Variants in FAM168A observed in about 807,000 individuals in gnomAD.
FAM168A encodes family with sequence similarity 168 member A.
In FAM168A, 3 loss-of-function variants were observed where a neutral mutation model predicts 28.5. The ratio of observed to expected loss-of-function variants is 0.11; its 90% CI spans 0.05 to 0.27. The LOEUF (loss-of-function observed/expected upper bound fraction) is 0.27, where lower values mean the gene tolerates loss of function less well. Ranked by LOEUF, FAM168A falls within the 10% of genes least tolerant of loss-of-function variation. The pLI is 1.00. For missense variants in FAM168A, 222 were observed against 311.5 expected (o/e 0.71, Z 2.16); for synonymous variants, 122 against 124.2 (o/e 0.98, Z 0.12).
At chr11:73,441,552 T>G (rs1867195300) in intron 2 of FAM168A, among the ~76,000 whole-genome samples, 1 of 152,234 alleles carries the variant, frequency 6.6e-6, no homozygotes, top group South Asian at 2.1e-4. Context: ...TAGAAAGTGT[T>G]CCTTTATCTT....
At chr11:73,499,821 A>T (rs1854970021) in intron 1 of FAM168A, among the ~76,000 whole-genome samples, 1 of 152,152 alleles carries the variant, frequency 6.6e-6, no homozygotes, top group Non-Finnish European at 1.5e-5. Flanking sequence ...AGACAAAAAT[A>T]GAGAAAAAAG....
chr11:73,422,568 T>C (rs1866812047), intron 3 of FAM168A, among the ~76,000 whole-genome samples: 1 of 152,182 alleles, frequency 6.6e-6, no homozygotes, highest in South Asian at 2.1e-4. Context: ...ATGAAGACAA[T>C]CCCAACTGAA....
At chr11:73,518,267 T>C (rs1943330818) in intron 1 of FAM168A, among the ~76,000 whole-genome samples, 1 of 152,104 alleles carries the variant, frequency 6.6e-6, no homozygotes, top group African/African-American at 2.4e-5. Flanking sequence ...GATTGTATTT[T>C]CCAAAGATGG....
intron 3 of FAM168A, among the ~76,000 whole-genome samples, chr11:73,424,314 G>C (rs1423748861): frequency 6.6e-6 from 1 of 152,196 alleles, no homozygotes; most frequent in Non-Finnish European, 1.5e-5. Context: ...AGCAGCCCAG[G>C]TGAGGGTGGT....
At chr11:73,587,737 T>C (rs1249002952) in intron 1 of FAM168A, among the ~76,000 whole-genome samples, 1 of 152,076 alleles carries the variant, frequency 6.6e-6, no homozygotes, top group Non-Finnish European at 1.5e-5. Flanking sequence ...AATGGAAAAA[T>C]GGAATGTACA....
chr11:73,428,252 T>A (rs1431204068), intron 3 of FAM168A, among the ~76,000 whole-genome samples: 2 of 152,132 alleles, frequency 1.3e-5, no homozygotes, highest in South Asian at 4.1e-4. Flanking sequence ...CTCTGACTTG[T>A]CCTCTCCACT....
At position 73,406,378 on chromosome 11, in the gene FAM168A, C is replaced by G. The variant is rs1866506467; in HGVS notation, c.*385G>C. 6.6e-6 allele frequency: 1 copy of G among 152,200 alleles called. No individual in the cohort carries two copies. The highest frequency in any genetic ancestry group is 2.4e-5 in the African/African-American group (1 of 41,434). 9.4% of individuals were successfully genotyped at this position (152,200 alleles called of 1,614,324 possible). A position where few individuals can be genotyped will look rare whatever the true frequency, so the allele number is the denominator to read the frequency against. ...ACCCTGGACCACATCTGTTTATGCT[C>G]TTCAAATGGAATCCAGCCTTCAGAT... On this transcript the variant is annotated 3_prime_UTR_variant, in exon 8 of 8. Transcript: ENST00000356467.
intron 1 of FAM168A, among the ~76,000 whole-genome samples, chr11:73,536,403 C>A (rs1264728242): frequency 6.6e-6 from 1 of 152,072 alleles, no homozygotes; most frequent in Non-Finnish European, 1.5e-5. Flanking sequence ...ATAGGCCTCC[C>A]CAGGCCAAGC....
intron 1 of FAM168A, among the ~76,000 whole-genome samples, chr11:73,475,989 G>A (rs1007985706): frequency 1.3e-5 from 2 of 152,200 alleles, no homozygotes; most frequent in Non-Finnish European, 2.9e-5. Flanking sequence ...CAGACCTGCA[G>A]ATAAGCCAGA....
At chr11:73,568,888 AAAAAAC>A (rs1034936736) in intron 1 of FAM168A, among the ~76,000 whole-genome samples, 25 of 152,312 alleles carry the variant, frequency 1.6e-4, no homozygotes, top group African/African-American at 5.3e-4. Context: ...CAAAAAAACA[AAAAAAC>A]AAAAACAAAA....
chr11:73,408,210 A>G (rs953810069), intron 6 of FAM168A, among the ~76,000 whole-genome samples: 15 of 152,098 alleles, frequency 9.9e-5, no homozygotes, highest in Admixed American at 6.6e-5. Context: ...TTATTGCACA[A>G]TCATACTGAG....
intron 1 of FAM168A, among the ~76,000 whole-genome samples, chr11:73,533,056 C>T (rs1410949560): frequency 6.6e-6 from 1 of 152,142 alleles, no homozygotes; most frequent in African/African-American, 2.4e-5. Context: ...AACAGAGAAA[C>T]GACAGAGCAG....
intron 1 of FAM168A, among the ~76,000 whole-genome samples, chr11:73,546,459 C>T (rs74524352): frequency 4.3e-3 from 658 of 152,212 alleles, no homozygotes; most frequent in Middle Eastern, 0.017. Flanking sequence ...GGGCTGGGCA[C>T]GGTGGCTCAA....
Position 73,401,101 on chromosome 11 carries a change from A to ATTATTATTATT in FAM168A, c.*5651_*5661dup, listed in dbSNP as rs1043792229. The ATTATTATTATT allele has an allele frequency of 1.3e-5, 2 of 148,950 alleles. No homozygotes were observed. Among genetic ancestry groups the ATTATTATTATT allele is most frequent in the African/African-American group, 4.9e-5 (2 of 40,874 alleles). 9.2% of individuals were successfully genotyped at this position (148,950 alleles called of 1,614,324 possible). ...AAGGTTTATTATTATTATTATTATT[A>ATTATTATTATT]TTATTATTATTTTAAATTTTATTTC... is the stretch of plus-strand genomic sequence containing the variant. On this transcript the variant is annotated 3_prime_UTR_variant, in exon 8 of 8. Coordinates refer to ENST00000356467, the MANE Select transcript of FAM168A (RefSeq NM_015159.3).
intron 1 of FAM168A, among the ~76,000 whole-genome samples, chr11:73,570,592 G>C (rs1944074421): frequency 6.6e-6 from 1 of 151,832 alleles, no homozygotes; most frequent in African/African-American, 2.4e-5. Context: ...AAATTAGCTG[G>C]GCATGATGGC....
intron 1 of FAM168A, among the ~76,000 whole-genome samples, chr11:73,508,593 G>T (rs1855160754): frequency 6.6e-6 from 1 of 152,042 alleles, no homozygotes; most frequent in Non-Finnish European, 1.5e-5. Flanking sequence ...GAATACCAGG[G>T]GTGGGTAGGG....
chr11:73,444,083 G>A (rs931379586), intron 2 of FAM168A, among the ~76,000 whole-genome samples: 1 of 152,178 alleles, frequency 6.6e-6, no homozygotes, highest in African/African-American at 2.4e-5. Context: ...TCAAAAGTCA[G>A]CTGTACCATT....
intron 1 of FAM168A, among the ~76,000 whole-genome samples, chr11:73,513,866 G>A (rs769389230): frequency 2.6e-5 from 4 of 152,006 alleles, no homozygotes; most frequent in Non-Finnish European, 5.9e-5. Flanking sequence ...TGAACTTTCT[G>A]GCCCTTGGTT....
At position 73,435,516 on chromosome 11, in the gene FAM168A, T is replaced by A. The variant is rs182176711; in HGVS notation, c.71-4746A>T. Among the ~76,000 whole-genome samples, 3 of 152,338 alleles carry A rather than the reference T, an allele frequency of 2.0e-5. No homozygotes were observed. In the East Asian group the frequency reaches 5.8e-4, roughly 29 times the overall value. The stretch of plus-strand genomic sequence containing the variant: ...CAGCATTACAGGGAGCTTTATTTGG[T>A]CCTCCCTCCCTCTCTTTCCTTCCTT... On this transcript the variant is annotated intron_variant, in intron 2 of 7. Coordinates refer to ENST00000356467, the MANE Select transcript of FAM168A (RefSeq NM_015159.3).
Sources: gnomAD v4.1 joint callset for allele counts (sites outside exome capture counted in the v4.1 genomes callset) on GRCh38, gnomAD v4.1.1 for gene constraint, MANE v1.5 for transcripts, NCBI Gene and HGNC (gene_info 2026-07-23, HGNC 2026-07-21) for gene names.